The following DSG1 variants were observed in gnomAD, a reference collection of about 807,000 sequenced individuals.
DSG1 encodes the protein desmoglein-1.
In DSG1, 39 loss-of-function variants were observed where a neutral mutation model predicts 97.5. The observed-to-expected ratio is 0.40, with a 90% CI of 0.31 to 0.52. The LOEUF is 0.52. Among genes scored for constraint, DSG1 ranks in the 20% least tolerant of loss-of-function variants. The pLI is 0.53. For synonymous variants in DSG1, 475 were observed against 443.4 expected (o/e 1.07, Z -0.90); for missense variants, 1,311 against 1,295.4 (o/e 1.01, Z -0.18).
intron 8 of DSG1, 81 bp from the exon 9 acceptor site, chr18:31,336,273 T>G (rs2071751520): frequency 1.6e-6 from 2 of 1,253,790 alleles, no homozygotes; most frequent in Non-Finnish European, 2.2e-6. Flanking sequence ...ATAAGTTTTT[T>G]TTGCTATTAT....
At chr18:31,323,310 C>G (rs982038532) in intron 1 of DSG1, among the ~76,000 whole-genome samples, 4 of 152,180 alleles carry the variant, frequency 2.6e-5, no homozygotes, top group Non-Finnish European at 4.4e-5. Context: ...ACTCCAGGGA[C>G]AAGGTCTAGG....
Position 31,318,476 on chromosome 18 carries a change from G to A in DSG1, c.48+128G>A, listed in dbSNP as rs975180561. Reference sequence around the variant, plus strand: ...TGAAAATGTATATTAATGACAAGATGATTTTATGAACTAGATTTTTCAATA... The same window carrying A: ...TGAAAATGTATATTAATGACAAGATAATTTTATGAACTAGATTTTTCAATA... On this transcript the variant is annotated intron_variant, in intron 1 of 14. Transcript: ENST00000257192. 3.7e-6 allele frequency: 3 copies of A among 805,042 alleles called. No homozygotes were observed. In the African/African-American group the frequency reaches 5.1e-5, roughly 14 times the overall value. The allele number at this position is 805,042 out of a possible 1,614,324, so 49.9% of individuals were successfully genotyped here. A position where few individuals can be genotyped will look rare whatever the true frequency, so the allele number is the denominator to read the frequency against.
intron 13 of DSG1, among the ~76,000 whole-genome samples, chr18:31,344,698 C>T (rs899232958): frequency 1.1e-4 from 16 of 152,170 alleles, no homozygotes; most frequent in South Asian, 2.1e-4. Context: ...GACCAGTTCA[C>T]AGGCAGAACC....
At chr18:31,333,956 C>T in intron 7 of DSG1, 61 bp from the exon 8 acceptor site, 5 of 1,250,146 alleles carry the variant, frequency 4.0e-6, no homozygotes, top group Non-Finnish European at 5.8e-6. Context: ...CCAGTATAAG[C>T]CTACTGTAGT....
chr18:31,333,955 G>A, intron 7 of DSG1, 62 bp from the exon 8 acceptor site: 1 of 1,247,402 alleles, frequency 8.0e-7, no homozygotes, highest in East Asian at 2.3e-5. Flanking sequence ...TCCAGTATAA[G>A]CCTACTGTAG....
At chr18:31,345,912 C>A in intron 13 of DSG1, 78 bp from the exon 14 acceptor site, 2 of 1,126,904 alleles carry the variant, frequency 1.8e-6, no homozygotes, top group Non-Finnish European at 1.3e-6. Context: ...GAAAAAATCA[C>A]ATATTACAAG....
chr18:31,342,823 G>GTTCTCTCCT (rs1470581266), intron 11 of DSG1, among the ~76,000 whole-genome samples: 5 of 151,294 alleles, frequency 3.3e-5, no homozygotes, highest in Non-Finnish European at 7.4e-5. Context: ...ATCTTTCCTT[G>GTTCTCTCCT]TTCTCTCCTT....
intron 13 of DSG1, 59 bp from the exon 14 acceptor site, chr18:31,345,931 T>C: frequency 2.9e-6 from 4 of 1,393,918 alleles, no homozygotes; most frequent in Non-Finnish European, 3.0e-6. Flanking sequence ...AGGCAAGTTG[T>C]TACTTTTTAG....
At chr18:31,326,845 A>G (rs1260243199) in intron 2 of DSG1, 29 bp from the exon 3 acceptor site, 3 of 1,607,894 alleles carry the variant, frequency 1.9e-6, no homozygotes, top group Non-Finnish European at 2.6e-6. Flanking sequence ...AAATTAATAT[A>G]TACCATTTCT....
At chr18:31,338,511 A>G (rs546329772) in intron 10 of DSG1, 57 bp downstream of exon 10, 5 of 1,572,684 alleles carry the variant, frequency 3.2e-6, no homozygotes, top group Admixed American at 3.4e-5. Context: ...ATACCTTAAG[A>G]TATTAACATT....
intron 2 of DSG1, 43 bp from the exon 3 acceptor site, chr18:31,326,831 A>G (rs755905776): frequency 6.2e-7 from 1 of 1,601,064 alleles, no homozygotes; most frequent in African/African-American, 1.3e-5. Context: ...TGAATTACGA[A>G]TTCAAATTAA....
In DSG1 at chr18:31,358,319, C is replaced by T. The variant is rs886222579; in HGVS notation, c.*2973C>T. ...TGACACTGAATTACAGATATATCTGCTACATATTATTTACTTCTAAGCATG... is the reference window on the plus strand; with the variant it reads ...TGACACTGAATTACAGATATATCTGTTACATATTATTTACTTCTAAGCATG... On this transcript the variant is annotated 3_prime_UTR_variant, in exon 15 of 15. Coordinates refer to ENST00000257192, the MANE Select transcript of DSG1 (RefSeq NM_001942.4). Among the ~76,000 whole-genome samples, 4 of 151,908 alleles carry T rather than the reference C, an allele frequency of 2.6e-5. No homozygotes were observed. The highest frequency in any genetic ancestry group is 2.0e-4 in the Admixed American group (3 of 15,260).
At chr18:31,322,682 C>T (rs986549705) in intron 1 of DSG1, among the ~76,000 whole-genome samples, 8 of 151,920 alleles carry the variant, frequency 5.3e-5, no homozygotes, top group African/African-American at 9.7e-5. Flanking sequence ...TGCATCCTTG[C>T]GATGTATATA....
chr18:31,329,745 C>A, intron 4 of DSG1, 147 bp from the exon 5 acceptor site: 7 of 961,012 alleles, frequency 7.3e-6, no homozygotes, highest in Non-Finnish European at 1.1e-5. Context: ...ATTTGCTTTC[C>A]CTTAGTGACT....
rs368310613 is a variant in DSG1, at chr18:31,353,235, G to T, written c.2101-1062G>T. On this transcript the variant is annotated intron_variant, in intron 14 of 14. Coordinates refer to ENST00000257192, the MANE Select transcript of DSG1 (RefSeq NM_001942.4). ...TCTGTTGGAGTACCCTGCCGTGTGA[G>T]GTGTCAGTGTGCCCCTGCTGGGGGG... Among the ~76,000 whole-genome samples the T allele has an allele frequency of 2.1e-4, 32 of 150,744 alleles. No individual in the cohort carries two copies. The East Asian group carries it at 2.8e-3, about 13-fold the overall frequency.
intron 1 of DSG1, among the ~76,000 whole-genome samples, chr18:31,325,408 A>C (rs1011555471): frequency 1.3e-4 from 20 of 152,218 alleles, no homozygotes; most frequent in African/African-American, 4.6e-4. Flanking sequence ...AATGGCTTTC[A>C]AACACACAAA....
Position 31,330,053 on chromosome 18 carries a change from C to T in DSG1, c.517+17C>T. 1 of 1,612,270 alleles carries T rather than the reference C, an allele frequency of 6.2e-7. No homozygotes were observed. Among genetic ancestry groups the T allele is most frequent in the Non-Finnish European group, 8.5e-7 (1 of 1,178,668 alleles). The stretch of plus-strand genomic sequence containing the variant: ...CTAATGCAAGTAAGTAATGTAGTGG[C>T]TTCCAAATCACTCCTAACAGCCAGG... On this transcript the variant is annotated intron_variant, in intron 5 of 14. Coordinates refer to ENST00000257192, the MANE Select transcript of DSG1 (RefSeq NM_001942.4).
At chr18:31,343,269 A>G (rs1352604124) in intron 11 of DSG1, 181 bp from the exon 12 acceptor site, 2 of 810,760 alleles carry the variant, frequency 2.5e-6, no homozygotes, top group African/African-American at 3.4e-5. Flanking sequence ...AGTCTAATAT[A>G]CAGAAGCTCC....
At chr18:31,338,152 C>T (rs1180652168) in intron 9 of DSG1, among the ~76,000 whole-genome samples, 163 bp from the exon 10 acceptor site, 1 of 151,738 alleles carries the variant, frequency 6.6e-6, no homozygotes, top group Admixed American at 6.6e-5. Flanking sequence ...CCCTGAGTGG[C>T]TCCATATTGC....
Sources: gnomAD v4.1 joint callset for allele counts (sites outside exome capture counted in the v4.1 genomes callset) on GRCh38, gnomAD v4.1.1 for gene constraint, MANE v1.5 for transcripts, NCBI Gene and HGNC (gene_info 2026-07-23, HGNC 2026-07-21) for gene names.